Variants in KIDINS220 observed in about 807,000 individuals in gnomAD.
KIDINS220 encodes kinase D-interacting substrate of 220 kDa.
Under a neutral mutation model 157.6 loss-of-function variants are expected in KIDINS220, and 63 were observed. The ratio of observed to expected loss-of-function variants is 0.40; its 90% CI spans 0.33 to 0.49. The LOEUF (loss-of-function observed/expected upper bound fraction) is 0.49. Among genes scored for constraint, KIDINS220 ranks in the 20% least tolerant of loss-of-function variants. The pLI is 0.66. For missense variants in KIDINS220, 1,772 were observed against 2,171.2 expected, an observed-to-expected ratio of 0.82 and a Z score of 3.65; for synonymous variants, 732 against 783.6, an observed-to-expected ratio of 0.93 and a Z score of 1.10.
chr2:8,820,499 C>CTA, intron 2 of KIDINS220, among the ~76,000 whole-genome samples: 1 of 152,110 alleles, frequency 6.6e-6, no homozygotes, highest in African/African-American at 2.4e-5. Flanking sequence ...ACAACAGATG[C>CTA]TATTATAAGA....
chr2:8,745,966 A>G (rs1293054316), intron 26 of KIDINS220, among the ~76,000 whole-genome samples: 1 of 152,018 alleles, frequency 6.6e-6, no homozygotes, highest in Non-Finnish European at 1.5e-5. Context: ...TAAATAAAAC[A>G]ACCAAAGTTA....
At position 8,747,953 on chromosome 2, in the gene KIDINS220, G is replaced by GATGAGATTA; in HGVS notation, c.3461_3462insTAATCTCAT (p.Gly1154_Ser1155insAsnLeuIle). On this transcript the variant is annotated inframe_insertion, in exon 25 of 30. Coordinates refer to ENST00000256707, the MANE Select transcript of KIDINS220 (RefSeq NM_020738.4). ...ATGGACGTGAGATGAGATGTTGGGA[G>GATGAGATTA]CCGCCAGGGTAATACCTTGGCGTGT... 6.2e-7 allele frequency: 1 copy of GATGAGATTA among 1,605,512 alleles called. No homozygotes were observed. Among genetic ancestry groups the GATGAGATTA allele is most frequent in the South Asian group, 1.1e-5 (1 of 89,710 alleles).
intron 15 of KIDINS220, among the ~76,000 whole-genome samples, chr2:8,786,795 T>TA (rs1672461503): frequency 6.6e-6 from 1 of 152,154 alleles, no homozygotes; most frequent in Non-Finnish European, 1.5e-5. Context: ...TTACAGTCAT[T>TA]AAAGAATTTC....
At position 8,739,734 on chromosome 2, in the gene KIDINS220, G is replaced by T. The variant is rs1308580963; in HGVS notation, c.3586-2735C>A. On this transcript the variant is annotated intron_variant, in intron 26 of 29. Transcript: ENST00000256707. ...TCTAAGTCAAGAAGAGACCATTTTA[G>T]CGTATTGATTTTAACATCAGAATTT... Among the ~76,000 whole-genome samples the T allele has an allele frequency of 2.0e-5, 3 of 152,158 alleles. No individual in the cohort carries two copies. In the East Asian group the frequency reaches 5.8e-4, roughly 29 times the overall value.
chr2:8,793,099 G>T (rs927392375), intron 12 of KIDINS220, among the ~76,000 whole-genome samples: 3 of 151,910 alleles, frequency 2.0e-5, no homozygotes, highest in African/African-American at 7.3e-5. Flanking sequence ...GGATATAGGG[G>T]GTAATGGGGA....
At chr2:8,787,263 CTTTA>C (rs1672544965) in intron 15 of KIDINS220, among the ~76,000 whole-genome samples, 1 of 151,464 alleles carries the variant, frequency 6.6e-6, no homozygotes, top group Non-Finnish European at 1.5e-5. Flanking sequence ...AAGTTTTTAC[CTTTA>C]TTTTTCTCTT....
At chr2:8,737,081 A>C in intron 26 of KIDINS220, 82 bp from the exon 27 acceptor site, 10 of 1,342,652 alleles carry the variant, frequency 7.4e-6, no homozygotes, top group African/African-American at 1.5e-5. Flanking sequence ...AGAAAAACTC[A>C]TTAAGTTATA....
chr2:8,788,989 ATG>A (rs1672810168), intron 14 of KIDINS220, among the ~76,000 whole-genome samples, 177 bp from the exon 15 acceptor site: 1 of 152,242 alleles, frequency 6.6e-6, no homozygotes, highest in African/African-American at 2.4e-5. Context: ...TACAGAAGAT[ATG>A]AAAAATGAAA....
intron 22 of KIDINS220, among the ~76,000 whole-genome samples, chr2:8,767,560 C>A (rs1451958990): frequency 1.3e-5 from 2 of 152,008 alleles, no homozygotes; most frequent in Non-Finnish European, 2.9e-5. Context: ...AGTCCACATG[C>A]AAAAGAAACA....
At chr2:8,808,139 A>C (rs1675765998) in intron 6 of KIDINS220, among the ~76,000 whole-genome samples, 1 of 152,054 alleles carries the variant, frequency 6.6e-6, no homozygotes, top group South Asian at 2.1e-4. Flanking sequence ...GAAAAAAAAA[A>C]AGAAATACAG....
rs770476586 is a variant in KIDINS220, at chr2:8,779,032, T to A, written c.2478A>T (p.Ser826=). Residue 826 remains serine (S), a synonymous_variant, in exon 19 of 30, where the codon TCA becomes TCT. Coordinates refer to ENST00000256707, the MANE Select transcript of KIDINS220 (RefSeq NM_020738.4). ...NQNLNSVLRD[S]NINGHDYMRN... is the part of the protein sequence containing the mutation. ...GCATGTAGTCATGGCCATTTATATT[T>A]GAATCCCGAAGCACACTATTGAGGT... is the stretch of plus-strand genomic sequence containing the variant. The A allele has an allele frequency of 1.2e-5, 19 of 1,614,038 alleles. No homozygotes were observed.
intron 22 of KIDINS220, among the ~76,000 whole-genome samples, chr2:8,767,041 T>C (rs2148140156): frequency 6.6e-6 from 1 of 152,344 alleles, no homozygotes; most frequent in South Asian, 2.1e-4. Context: ...AAATGTCATT[T>C]ATTTCTGTCC....
chr2:8,781,153 A>ATATATATATATATAATATATAT lies in KIDINS220; in HGVS notation c.2230-1340_2230-1339insATATATATTATATATATATATA, dbSNP rs70946383. Among the ~76,000 whole-genome samples the ATATATATATATATAATATATAT allele has an allele frequency of 3.8e-5, 5 of 130,394 alleles. No individual in the cohort carries two copies. The South Asian group carries it at 1.0e-3, about 26-fold the overall frequency. The allele number at this position is 130,394 out of a possible 152,430, so 85.5% of individuals were successfully genotyped here. On this transcript the variant is annotated intron_variant, in intron 17 of 29. Coordinates refer to ENST00000256707, the MANE Select transcript of KIDINS220 (RefSeq NM_020738.4). ...ACTATATTAATTATTATATATATAT[A>ATATATATATATATAATATATAT]ATATATATATATTAAAGGGGGGCAT...
chr2:8,740,064 G>T, intron 26 of KIDINS220: 1 of 478,300 alleles, frequency 2.1e-6, no homozygotes, highest in Non-Finnish European at 2.7e-6. Context: ...AGTGAGCACA[G>T]ATTTATAGAC....
chr2:8,738,583 C>T (rs371671119), intron 26 of KIDINS220, among the ~76,000 whole-genome samples: 1 of 152,168 alleles, frequency 6.6e-6, no homozygotes, highest in Non-Finnish European at 1.5e-5. Flanking sequence ...ATATACAGTC[C>T]CCTTGTAATC....
At chr2:8,763,023 A>G (rs1668981557) in intron 22 of KIDINS220, among the ~76,000 whole-genome samples, 1 of 152,250 alleles carries the variant, frequency 6.6e-6, no homozygotes. Flanking sequence ...AACACTGCAG[A>G]AAAATTTCTA....
intron 20 of KIDINS220, among the ~76,000 whole-genome samples, chr2:8,778,347 T>C (rs1428093644): frequency 2.6e-5 from 4 of 152,086 alleles, no homozygotes; most frequent in South Asian, 4.1e-4. Context: ...CAGGAATGAA[T>C]AGAGTGGTTC....
At chr2:8,833,743 C>CA in intron 1 of KIDINS220, among the ~76,000 whole-genome samples, 1 of 152,158 alleles carries the variant, frequency 6.6e-6, no homozygotes, top group South Asian at 2.1e-4. Flanking sequence ...GCACAATTAG[C>CA]AAAAAAATTA....
chr2:8,808,181 T>C (rs768231041), intron 6 of KIDINS220, among the ~76,000 whole-genome samples: 34 of 152,126 alleles, frequency 2.2e-4, no homozygotes, highest in Non-Finnish European at 4.3e-4. Context: ...CCTGCATCTG[T>C]GGTTTTCTCC....
Sources: gnomAD v4.1 joint callset for allele counts (sites outside exome capture counted in the v4.1 genomes callset) on GRCh38, gnomAD v4.1.1 for gene constraint, MANE v1.5 for transcripts, NCBI Gene and HGNC (gene_info 2026-07-23, HGNC 2026-07-21) for gene names.